U2AF2: variants seen among roughly 807,000 people sequenced by gnomAD.
The protein encoded by U2AF2 is U2 small nuclear RNA auxiliary factor 2, also known as splicing factor U2AF 65 kDa subunit.
In U2AF2, 6 loss-of-function variants were observed where a neutral mutation model predicts 52.6. The ratio of observed to expected loss-of-function variants is 0.11; its 90% CI spans 0.06 to 0.23. The LOEUF (loss-of-function observed/expected upper bound fraction) is 0.23, where lower values mean the gene tolerates loss of function less well. U2AF2 is among the 10% of genes least tolerant of loss of function. U2AF2 has a pLI of 1.00. For synonymous variants in U2AF2, 284 were observed against 258.2 expected (o/e 1.10, Z -0.96); for missense variants, 222 against 677.1 (o/e 0.33, Z 7.46).
chr19:55,662,035 G>A (rs1206288819), intron 5 of U2AF2: 2 of 162,982 alleles, frequency 1.2e-5, no homozygotes, highest in East Asian at 3.7e-4. Context: ...CTCCCTTTCT[G>A]TCCTTTGCTC....
intron 11 of U2AF2, chr19:55,670,606 T>C: frequency 4.1e-6 from 1 of 243,292 alleles, no homozygotes; most frequent in Non-Finnish European, 8.1e-6. Context: ...GCCGCATTCC[T>C]GGGTGTACTG....
chr19:55,668,091 C>T lies in U2AF2; in HGVS notation c.743-416C>T, dbSNP rs1028340656. 3.9e-5 allele frequency among the ~76,000 whole-genome samples: 6 copies of T among 152,106 alleles called. No homozygotes were observed. Among genetic ancestry groups the T allele is most frequent in the African/African-American group, 1.4e-4 (6 of 41,414 alleles). ...GCCCCCGCGCCCGGCCGGGACTGAG[C>T]TTTAATGGGAGCCTTGCCTGGGTGG... On this transcript the variant is annotated intron_variant, in intron 7 of 11. Transcript: ENST00000308924. This position sits in a 1 kb window ranked among gnomAD's most constrained non-coding sequence, Gnocchi z 5.5.
chr19:55,658,256 T>G (rs1391627337), intron 1 of U2AF2, among the ~76,000 whole-genome samples: 1 of 152,262 alleles, frequency 6.6e-6, no homozygotes, highest in African/African-American at 2.4e-5. Context: ...TCTGGGTGTC[T>G]TTGAATTAAG....
At chr19:55,659,087 T>G (rs910849607) in intron 1 of U2AF2, 123 bp from the exon 2 acceptor site, 9 of 1,340,148 alleles carry the variant, frequency 6.7e-6, no homozygotes, top group African/African-American at 4.6e-5. Context: ...CTTCCTCCAT[T>G]GAATCCCTTC....
intron 4 of U2AF2, 109 bp from the exon 5 acceptor site, chr19:55,660,929 G>C (rs1236790499): frequency 2.0e-6 from 3 of 1,475,858 alleles, no homozygotes; most frequent in Admixed American, 4.7e-5. Flanking sequence ...CTAAGACCGA[G>C]AGCCTGTAGG....
At position 55,668,219 on chromosome 19, in the gene U2AF2, C is replaced by CT. The variant is rs1984666201; in HGVS notation, c.743-285dup. Among the ~76,000 whole-genome samples the CT allele has an allele frequency of 6.6e-6, 1 of 152,190 alleles. No homozygotes were observed. The highest frequency in any genetic ancestry group is 2.1e-4 in the South Asian group (1 of 4,814). ...AGCAGGTAGCAGATGTGGGTGTGAACTTTGTGCCTTTGGAGCGTTCTGGAG... is the reference window on the plus strand; with the variant it reads ...AGCAGGTAGCAGATGTGGGTGTGAACTTTTGTGCCTTTGGAGCGTTCTGGAG... On this transcript the variant is annotated intron_variant, in intron 7 of 11. Transcript: ENST00000308924. The surrounding 1 kb of genome is among the most constrained non-coding windows in gnomAD (Gnocchi z 5.5).
intron 5 of U2AF2, chr19:55,662,290 A>C: frequency 4.4e-6 from 2 of 450,210 alleles, no homozygotes; most frequent in South Asian, 4.0e-5. Context: ...GTCTCTTGCT[A>C]CTGCTTCCTC....
chr19:55,671,062 C>T (rs558224044), intron 11 of U2AF2, among the ~76,000 whole-genome samples: 9 of 152,288 alleles, frequency 5.9e-5, no homozygotes, highest in East Asian at 1.9e-4. Flanking sequence ...GGAAGCAGCT[C>T]GGCTTTCCCC....
chr19:55,661,311 C>G (rs964176536), intron 5 of U2AF2, 122 bp downstream of exon 5: 1 of 1,137,578 alleles, frequency 8.8e-7, no homozygotes, highest in Non-Finnish European at 1.2e-6. Flanking sequence ...CCCCCCGGCC[C>G]CCTCCCAGAC....
intron 11 of U2AF2, among the ~76,000 whole-genome samples, chr19:55,670,931 C>T (rs931392374): frequency 3.0e-4 from 45 of 152,304 alleles, no homozygotes; most frequent in African/African-American, 1.0e-3. Flanking sequence ...GTGCTGTGGA[C>T]AGGAGGGCTT....
rs914232219 is a variant in U2AF2 at position 55,663,871 on chromosome 19, C to T, written c.742+127C>T. The stretch of plus-strand genomic sequence containing the variant: ...GTACTGTGGAAGATAGGTGCCTTTT[C>T]CCTGCTTCCCCTAAGTCTCTGTGAG... On this transcript the variant is annotated intron_variant, in intron 7 of 11. Transcript: ENST00000308924. The T allele has an allele frequency of 2.8e-6, 4 of 1,403,614 alleles. No individual in the cohort carries two copies. The African/African-American group carries it at 4.3e-5, about 15-fold the overall frequency. The allele number at this position is 1,403,614 out of a possible 1,614,324, so 86.9% of individuals were successfully genotyped here. A position where few individuals can be genotyped will look rare whatever the true frequency, so the allele number is the denominator to read the frequency against.
At chr19:55,669,407 G>T in intron 10 of U2AF2, 37 bp from the exon 11 acceptor site, 1 of 1,565,898 alleles carries the variant, frequency 6.4e-7, no homozygotes, top group Non-Finnish European at 8.7e-7. Context: ...CTGGGTCTGG[G>T]CCCCCTGTGA....
chr19:55,664,749 G>A (rs1215977925), intron 7 of U2AF2, among the ~76,000 whole-genome samples: 1 of 152,012 alleles, frequency 6.6e-6, no homozygotes, highest in Non-Finnish European at 1.5e-5. Flanking sequence ...AGACAGTCTC[G>A]CTCTGTCACC....
chr19:55,659,345 G>T lies in U2AF2; in HGVS notation c.185G>T (p.Ser62Ile). The change falls in exon 2 of 12, where the codon AGC (serine) becomes ATC (isoleucine). Residue 62 changes from serine (S) to isoleucine (I), a missense_variant and splice_region_variant. Ser to Ile is a moderately radical substitution (Grantham distance 142). Transcript: ENST00000308924. Reference sequence around the variant, plus strand: ...GCCTCCCGGGACAGGCGACGACGCAGGTACTAGGGCTCAGGGATCCCCTGG... The same window carrying T: ...GCCTCCCGGGACAGGCGACGACGCATGTACTAGGGCTCAGGGATCCCCTGG... ...RSASRDRRRR[S>I]KPLTRGAKEE... 6.6e-7 allele frequency: 1 copy of T among 1,522,520 alleles called. No individual in the cohort carries two copies. Among genetic ancestry groups the T allele is most frequent in the Non-Finnish European group, 8.9e-7 (1 of 1,129,648 alleles). The allele number at this position is 1,522,520 out of a possible 1,614,324, so 94.3% of individuals were successfully genotyped here.
chr19:55,670,702 G>A, intron 11 of U2AF2: 1 of 214,050 alleles, frequency 4.7e-6, no homozygotes. Flanking sequence ...GGCAGGCCTT[G>A]GAGGGCTGCC....
At chr19:55,669,787 C>T (rs1984770307) in intron 11 of U2AF2, 95 bp downstream of exon 11, 3 of 1,450,358 alleles carry the variant, frequency 2.1e-6, no homozygotes, top group Non-Finnish European at 2.7e-6. Flanking sequence ...CCCTCTCCCC[C>T]TCCTCTTCTC....
In U2AF2 at chr19:55,655,065, G is replaced by A. The variant is rs760325101; in HGVS notation, c.-40G>A. ...AAGCGGCTGGAGCGGGCGGCAAGGC[G>A]AGGCGAAAGCTGCACAGGGCCCTAC... On this transcript the variant is annotated 5_prime_UTR_variant, in exon 1 of 12. Coordinates refer to ENST00000308924, the MANE Select transcript of U2AF2 (RefSeq NM_007279.3). The A allele has an allele frequency of 1.9e-6, 3 of 1,604,266 alleles. No individual in the cohort carries two copies. The highest frequency in any genetic ancestry group is 2.5e-6 in the Non-Finnish European group (3 of 1,177,200).
At chr19:55,657,975 A>G (rs560529179) in intron 1 of U2AF2, among the ~76,000 whole-genome samples, 1 of 152,178 alleles carries the variant, frequency 6.6e-6, no homozygotes, top group Non-Finnish European at 1.5e-5. Context: ...GAAGCATCTC[A>G]ATATTTGTTG....
intron 11 of U2AF2, among the ~76,000 whole-genome samples, 157 bp downstream of exon 11, chr19:55,669,849 G>T (rs1984779102): frequency 6.6e-6 from 1 of 152,144 alleles, no homozygotes; most frequent in Admixed American, 6.5e-5. Flanking sequence ...GCGTATAGGT[G>T]TATGCCATCA....
Sources: allele counts gnomAD v4.1 joint callset (sites outside exome capture counted in the v4.1 genomes callset), GRCh38; gene constraint gnomAD v4.1.1; non-coding constraint Gnocchi (gnomAD v3.1); transcripts MANE v1.5; gene names NCBI Gene and HGNC (gene_info 2026-07-23, HGNC 2026-07-21).